Variants in PBX3 observed in about 807,000 individuals in gnomAD.
PBX3 encodes PBX homeobox 3.
In PBX3, 14 loss-of-function variants were observed where a neutral mutation model predicts 48.5. The ratio of observed to expected loss-of-function variants is 0.29; its 90% CI spans 0.19 to 0.45. The LOEUF (loss-of-function observed/expected upper bound fraction) is 0.45, where lower values mean the gene tolerates loss of function less well. Ranked by LOEUF, PBX3 falls within the 20% of genes least tolerant of loss-of-function variation. The pLI, the probability that PBX3 is intolerant of heterozygous loss-of-function variation, is 1.00. For synonymous variants in PBX3, 210 were observed against 200.3 expected (o/e 1.05, Z -0.41); for missense variants, 386 against 546.7 (o/e 0.71, Z 2.93).
intron 2 of PBX3, among the ~76,000 whole-genome samples, chr9:125,899,223 A>ATT (rs1411062335): frequency 8.3e-6 from 1 of 120,056 alleles, no homozygotes; most frequent in Non-Finnish European, 1.8e-5. Flanking sequence ...ACATATGTAT[A>ATT]TATATTTATA....
At position 125,762,625 on chromosome 9, in the gene PBX3, CT is replaced by C. The variant is rs979111186; in HGVS notation, c.274+14003del. Among the ~76,000 whole-genome samples the C allele has an allele frequency of 5.3e-5, 8 of 152,312 alleles. No individual in the cohort carries two copies. In the East Asian group the frequency reaches 1.3e-3, roughly 26 times the overall value. ...GCAATGAAAATTTAATCAGCGTCTT[CT>C]GCTGCTTTAATAAGGCAAATAATTC... On this transcript the variant is annotated intron_variant, in intron 2 of 8. Transcript: ENST00000373489.
intron 5 of PBX3, among the ~76,000 whole-genome samples, chr9:125,945,901 G>GGAACCTGCAGATAATAA (rs1842055741): frequency 6.6e-6 from 1 of 152,154 alleles, no homozygotes; most frequent in Non-Finnish European, 1.5e-5. Flanking sequence ...AGTTGCCCAG[G>GGAACCTGCAGATAATAA]GAACCTGCAG....
At chr9:125,762,347 T>A (rs1402147884) in intron 2 of PBX3, among the ~76,000 whole-genome samples, 1 of 152,202 alleles carries the variant, frequency 6.6e-6, no homozygotes, top group Non-Finnish European at 1.5e-5. Flanking sequence ...TGTATATATT[T>A]GTAATATAGG....
At chr9:125,758,266 A>T (rs2131967273) in intron 2 of PBX3, among the ~76,000 whole-genome samples, 1 of 152,096 alleles carries the variant, frequency 6.6e-6, no homozygotes, top group Admixed American at 6.5e-5. Context: ...TAATCAGTAT[A>T]ATGTTATAGT....
chr9:125,787,656 TATA>T (rs1459084424), intron 2 of PBX3, among the ~76,000 whole-genome samples: 1 of 152,154 alleles, frequency 6.6e-6, no homozygotes. Context: ...TGTTCAACCA[TATA>T]ATCCATTTTG....
At position 125,954,337 on chromosome 9, in the gene PBX3, G is replaced by GA. The variant is rs1457438483; in HGVS notation, c.844-6345dup. ...CTAACTATAATGATGGTTTAGTCCA[G>GA]AAGGAAATATTAAATATGTAGAGCC... is the stretch of plus-strand genomic sequence containing the variant. On this transcript the variant is annotated intron_variant, in intron 5 of 8. Coordinates refer to ENST00000373489, the MANE Select transcript of PBX3 (RefSeq NM_006195.6). Among the ~76,000 whole-genome samples, 3 of 152,200 alleles carry GA rather than the reference G, an allele frequency of 2.0e-5. No homozygotes were observed. The East Asian group carries it at 5.8e-4, about 29-fold the overall frequency.
chr9:125,925,019 C>T (rs1035820908), intron 3 of PBX3, among the ~76,000 whole-genome samples: 3 of 152,158 alleles, frequency 2.0e-5, no homozygotes, highest in African/African-American at 7.2e-5. Context: ...TCAAGACAGT[C>T]CTCCTTCAAT....
intron 5 of PBX3, among the ~76,000 whole-genome samples, chr9:125,940,035 A>G (rs1178742757): frequency 6.6e-6 from 1 of 152,152 alleles, no homozygotes; most frequent in Non-Finnish European, 1.5e-5. Context: ...TACAAAAAGT[A>G]GCCGAGTGTG....
intron 2 of PBX3, among the ~76,000 whole-genome samples, chr9:125,768,755 C>T (rs1267805687): frequency 2.6e-5 from 4 of 152,132 alleles, no homozygotes; most frequent in Non-Finnish European, 5.9e-5. Context: ...AAGAGTATTA[C>T]CACCAAACTT....
chr9:125,903,021 A>G (rs948806449), intron 2 of PBX3, among the ~76,000 whole-genome samples: 1 of 151,772 alleles, frequency 6.6e-6, no homozygotes, highest in African/African-American at 2.4e-5. Context: ...TGTTTTCCCC[A>G]AGAGGATTGA....
At chr9:125,757,118 TG>T (rs764327485) in intron 2 of PBX3, among the ~76,000 whole-genome samples, 118 of 152,240 alleles carry the variant, frequency 7.8e-4, no homozygotes, top group Non-Finnish European at 1.4e-3. Context: ...TGGCATTTGA[TG>T]GGGAGGAAAT....
intron 2 of PBX3, among the ~76,000 whole-genome samples, chr9:125,878,639 C>G (rs998905924): frequency 6.6e-6 from 1 of 152,160 alleles, no homozygotes; most frequent in Non-Finnish European, 1.5e-5. Context: ...AGGCTGGAGC[C>G]AAGATCAGAT....
intron 2 of PBX3, chr9:125,797,368 A>C (rs995099524): frequency 2.0e-5 from 3 of 152,018 alleles, no homozygotes; most frequent in Admixed American, 6.6e-5. Flanking sequence ...TCAATTTTTC[A>C]CTCATTGAAC....
At chr9:125,870,640 G>A (rs1485531107) in intron 2 of PBX3, among the ~76,000 whole-genome samples, 1 of 152,124 alleles carries the variant, frequency 6.6e-6, no homozygotes, top group African/African-American at 2.4e-5. Context: ...TTTGGGTGGG[G>A]ACACAGCCAA....
At chr9:125,848,601 A>G (rs1839494432) in intron 2 of PBX3, among the ~76,000 whole-genome samples, 1 of 152,068 alleles carries the variant, frequency 6.6e-6, no homozygotes, top group Non-Finnish European at 1.5e-5. Context: ...TAGTCTTACT[A>G]CATTGTCCTC....
At chr9:125,766,244 ATAAATTTATTTTAATTACAG>A (rs1836798010) in intron 2 of PBX3, among the ~76,000 whole-genome samples, 1 of 152,114 alleles carries the variant, frequency 6.6e-6, no homozygotes, top group Non-Finnish European at 1.5e-5. Context: ...TTCTTTACAT[ATAAATTTATTTTAATTACAG>A]TAACTATATA....
chr9:125,929,860 A>C lies in PBX3; in HGVS notation c.707+15A>C. On this transcript the variant is annotated intron_variant, in intron 4 of 8. Coordinates refer to ENST00000373489, the MANE Select transcript of PBX3 (RefSeq NM_006195.6). ...CTTGATGCCAGGTATGTGAAGCCAT[A>C]AATCTATTGCATGGCTTTCCCCCGT... 6.3e-7 allele frequency: 1 copy of C among 1,577,232 alleles called. No individual in the cohort carries two copies. The highest frequency in any genetic ancestry group is 2.2e-5 in the East Asian group (1 of 44,676).
intron 5 of PBX3, among the ~76,000 whole-genome samples, chr9:125,950,054 A>G (rs142029090): frequency 2.2e-4 from 33 of 151,792 alleles, no homozygotes; most frequent in Admixed American, 1.6e-3. Context: ...TTTTTTTTCT[A>G]ATGAGAAAAA....
intron 2 of PBX3, among the ~76,000 whole-genome samples, chr9:125,888,719 T>G (rs1325621246): frequency 6.6e-6 from 1 of 152,206 alleles, no homozygotes; most frequent in Non-Finnish European, 1.5e-5. Flanking sequence ...TGTTTCAGTC[T>G]AAATGAATTC....
Sources: gnomAD v4.1 joint callset for allele counts (sites outside exome capture counted in the v4.1 genomes callset) on GRCh38, gnomAD v4.1.1 for gene constraint, MANE v1.5 for transcripts, NCBI Gene and HGNC (gene_info 2026-07-23, HGNC 2026-07-21) for gene names.